PID1: variants seen among roughly 807,000 people sequenced by gnomAD.
The protein encoded by PID1 is PTB-containing, cubilin and LRP1-interacting protein.
Under a neutral mutation model 19.1 loss-of-function variants are expected in PID1, and 10 were observed. The ratio of observed to expected loss-of-function variants is 0.52; its 90% CI spans 0.32 to 0.89. The LOEUF (loss-of-function observed/expected upper bound fraction) is 0.89. Ranked by LOEUF, PID1 falls within the 40% of genes least tolerant of loss-of-function variation. The pLI is 0.03. For synonymous variants in PID1, 130 were observed against 116.0 expected (o/e 1.12, Z -0.78); for missense variants, 248 against 285.3 (o/e 0.87, Z 0.94).
chr2:229,219,288 G>T (rs1691913735), intron 1 of PID1, among the ~76,000 whole-genome samples: 1 of 152,174 alleles, frequency 6.6e-6, no homozygotes, highest in Non-Finnish European at 1.5e-5. Context: ...ACAGGGCTGA[G>T]GATGCCTCAG....
chr2:229,194,771 T>C (rs1691337216), intron 1 of PID1, among the ~76,000 whole-genome samples: 2 of 152,008 alleles, frequency 1.3e-5, no homozygotes, highest in Non-Finnish European at 1.5e-5. Flanking sequence ...TAATAGAGGA[T>C]AGAATACTGC....
At chr2:229,076,225 C>T (rs1223449915) in intron 2 of PID1, among the ~76,000 whole-genome samples, 1 of 152,166 alleles carries the variant, frequency 6.6e-6, no homozygotes, top group African/African-American at 2.4e-5. Context: ...CTTTCCTCAA[C>T]ACCCAATCTC....
rs141105527 is a variant in PID1, at chr2:229,236,114, A to G, written c.30+34900T>C. ...TGAGGCTCGATGAGCATACAAGTCT[A>G]CCAACGACTTACTCTATGACCATAT... On this transcript the variant is annotated intron_variant, in intron 1 of 2. Transcript: ENST00000392055. Among the ~76,000 whole-genome samples the G allele has an allele frequency of 1.8e-3, 277 of 152,094 alleles. 3 individuals carry two copies. The highest frequency in any genetic ancestry group is 6.5e-3 in the African/African-American group (269 of 41,482).
intron 1 of PID1, among the ~76,000 whole-genome samples, chr2:229,181,647 A>G (rs1690949153): frequency 6.6e-6 from 1 of 152,238 alleles, no homozygotes; most frequent in African/African-American, 2.4e-5. Context: ...TATAACTACA[A>G]TATCCTTAGC....
Position 229,025,734 on chromosome 2 carries a change from C to T in PID1, c.552G>A (p.Glu184=). 1 of 1,614,266 alleles carries T rather than the reference C, an allele frequency of 6.2e-7. No individual in the cohort carries two copies. Residue 184 remains glutamate, a synonymous_variant, in exon 3 of 3, where the codon GAG becomes GAA. Coordinates refer to ENST00000392055, the MANE Select transcript of PID1 (RefSeq NM_001100818.2). ...TACTGTGGAAAGTCTTCCTGAAGGC[C>T]TCCATCATGGCGTGGGCCAGTTTCT... ...EAKKLAHAMM[E]AFRKTFHSMK...
At chr2:229,210,906 T>C (rs1037276683) in intron 1 of PID1, among the ~76,000 whole-genome samples, 3 of 152,188 alleles carry the variant, frequency 2.0e-5, no homozygotes, top group Admixed American at 2.0e-4. Flanking sequence ...CCATTTATTT[T>C]GAGCCAATAG....
chr2:229,115,702 A>C (rs1441039004), intron 2 of PID1, among the ~76,000 whole-genome samples: 1 of 152,158 alleles, frequency 6.6e-6, no homozygotes, highest in African/African-American at 2.4e-5. Context: ...AATTTACAAT[A>C]CTGACACACC....
intron 2 of PID1, among the ~76,000 whole-genome samples, chr2:229,155,090 A>AGTAT (rs1360865651): frequency 6.6e-6 from 1 of 152,234 alleles, no homozygotes; most frequent in Non-Finnish European, 1.5e-5. Context: ...GGATTTGGAG[A>AGTAT]GTATAACTGT....
At chr2:229,086,347 A>T (rs924800785) in intron 2 of PID1, among the ~76,000 whole-genome samples, 1 of 152,140 alleles carries the variant, frequency 6.6e-6, no homozygotes, top group Non-Finnish European at 1.5e-5. Flanking sequence ...GAGCAAAATC[A>T]TTTGACACAA....
rs539810255 is a variant in PID1, at chr2:229,029,484, G to A, written c.178-3376C>T. Among the ~76,000 whole-genome samples, 7 of 152,042 alleles carry A rather than the reference G, an allele frequency of 4.6e-5. No individual in the cohort carries two copies. The East Asian group carries it at 5.8e-4, about 13-fold the overall frequency. ...AAAATTGGAATTCATGTATCCTGTC[G>A]GTGGGAATTTAAAACAGTACAATTT... On this transcript the variant is annotated intron_variant, in intron 2 of 2. Coordinates refer to ENST00000392055, the MANE Select transcript of PID1 (RefSeq NM_001100818.2).
At chr2:229,260,840 G>A (rs1300785874) in intron 1 of PID1, among the ~76,000 whole-genome samples, 1 of 67,832 alleles carries the variant, frequency 1.5e-5, no homozygotes. Context: ...TTTTTTTTTT[G>A]GTGGCTGGTC....
chr2:229,031,375 T>A lies in PID1; in HGVS notation c.178-5267A>T, dbSNP rs542088730. On this transcript the variant is annotated intron_variant, in intron 2 of 2. Transcript: ENST00000392055. ...GAGTTCAAGACCAGCCTGGCCAACA[T>A]GGTGAAACCCATCTCTACGAAAAAT... Among the ~76,000 whole-genome samples, 12 of 151,774 alleles carry A rather than the reference T, an allele frequency of 7.9e-5. No homozygotes were observed. The East Asian group carries it at 2.1e-3, about 27-fold the overall frequency.
At chr2:229,118,912 G>A (rs1219592504) in intron 2 of PID1, among the ~76,000 whole-genome samples, 1 of 152,188 alleles carries the variant, frequency 6.6e-6, no homozygotes, top group East Asian at 1.9e-4. Context: ...TCAAGAGTAA[G>A]AGTCTGAACT....
chr2:229,108,771 A>G (rs866481448), intron 2 of PID1, among the ~76,000 whole-genome samples: 8 of 152,248 alleles, frequency 5.3e-5, no homozygotes, highest in Middle Eastern at 3.4e-3. Context: ...TTGTCTAAGG[A>G]GCCTGGACAC....
At chr2:229,126,249 G>A (rs980215348) in intron 2 of PID1, among the ~76,000 whole-genome samples, 2 of 152,156 alleles carry the variant, frequency 1.3e-5, no homozygotes, top group African/African-American at 4.8e-5. Context: ...AAGGAGGTAG[G>A]CTTTTGGAGA....
At chr2:229,202,533 C>T (rs116355993) in intron 1 of PID1, among the ~76,000 whole-genome samples, 1,940 of 152,112 alleles carry the variant, frequency 0.013, 49 homozygotes, top group African/African-American at 0.045. Flanking sequence ...GGATGGCTAA[C>T]TGAAAGAGTA....
rs1014690322 is a variant in PID1 at position 229,249,754 on chromosome 2, C to T, written c.30+21260G>A. Among the ~76,000 whole-genome samples, 6 of 152,262 alleles carry T rather than the reference C, an allele frequency of 3.9e-5. No individual in the cohort carries two copies. The South Asian group carries it at 1.0e-3, about 26-fold the overall frequency. ...AGAGGGGCAACTTCAACTGCTATGACAGGAGTATGATCCCCCAGGCAGGGC... is the reference window on the plus strand; with the variant it reads ...AGAGGGGCAACTTCAACTGCTATGATAGGAGTATGATCCCCCAGGCAGGGC... On this transcript the variant is annotated intron_variant, in intron 1 of 2. Transcript: ENST00000392055.
chr2:229,036,263 C>A (rs556913724), intron 2 of PID1, among the ~76,000 whole-genome samples: 4 of 152,288 alleles, frequency 2.6e-5, no homozygotes, highest in African/African-American at 9.6e-5. Flanking sequence ...CAGGCCTGGG[C>A]ATCCTTTATG....
intron 1 of PID1, among the ~76,000 whole-genome samples, chr2:229,248,220 G>C (rs1246100584): frequency 6.6e-6 from 1 of 152,082 alleles, no homozygotes; most frequent in Non-Finnish European, 1.5e-5. Flanking sequence ...TACTGCACTG[G>C]GTTGTCATGT....
Sources: gnomAD v4.1 joint callset for allele counts (sites outside exome capture counted in the v4.1 genomes callset) on GRCh38, gnomAD v4.1.1 for gene constraint, MANE v1.5 for transcripts, NCBI Gene and HGNC (gene_info 2026-07-23, HGNC 2026-07-21) for gene names.